Variants in PTPRM observed in about 807,000 individuals in gnomAD.
PTPRM encodes receptor-type tyrosine-protein phosphatase mu.
A neutral mutation model predicts 186.7 loss-of-function variants in PTPRM; 47 were observed. The ratio of observed to expected loss-of-function variants is 0.25; its 90% CI spans 0.20 to 0.32. PTPRM has a LOEUF of 0.32. Ranked by LOEUF, PTPRM falls within the 10% of genes least tolerant of loss-of-function variation. The pLI, the probability that PTPRM is intolerant of heterozygous loss-of-function variation, is 1.00. For missense variants in PTPRM, 1,494 were observed against 1,865.0 expected (o/e 0.80, Z 3.66); for synonymous variants, 668 against 674.9 (o/e 0.99, Z 0.16).
chr18:7,806,350 C>A (rs1056431090), intron 2 of PTPRM, among the ~76,000 whole-genome samples: 1 of 152,086 alleles, frequency 6.6e-6, no homozygotes, highest in Non-Finnish European at 1.5e-5. Context: ...ACAAATATTG[C>A]AAGCATATTA....
chr18:8,011,926 G>A (rs558307031), intron 7 of PTPRM, among the ~76,000 whole-genome samples: 39 of 152,166 alleles, frequency 2.6e-4, no homozygotes, highest in African/African-American at 4.6e-4. Context: ...CAAATTATAC[G>A]TATAGAAATA....
At chr18:8,124,763 G>A (rs554043835) in intron 13 of PTPRM, among the ~76,000 whole-genome samples, 17 of 152,224 alleles carry the variant, frequency 1.1e-4, no homozygotes, top group East Asian at 7.7e-4. Flanking sequence ...CCATTCAACC[G>A]TTGTGTTTAA....
chr18:7,776,496 GTTTTTC>G (rs1477924802), intron 2 of PTPRM, among the ~76,000 whole-genome samples: 1 of 147,244 alleles, frequency 6.8e-6, no homozygotes, highest in Non-Finnish European at 1.5e-5. Flanking sequence ...TGAAAATACA[GTTTTTC>G]TTTTTCTTTC....
chr18:8,154,484 C>G (rs552630469), intron 14 of PTPRM: 1 of 152,178 alleles, frequency 6.6e-6, no homozygotes, highest in South Asian at 2.1e-4. Flanking sequence ...AGAGGATGAG[C>G]CAGCCGCCAT....
At chr18:8,240,528 A>AGGAC (rs2147253878) in intron 14 of PTPRM, among the ~76,000 whole-genome samples, 1 of 120,132 alleles carries the variant, frequency 8.3e-6, no homozygotes, top group South Asian at 3.4e-4. Flanking sequence ...GAAGGAAGGA[A>AGGAC]GGAAGGAAGG....
intron 1 of PTPRM, among the ~76,000 whole-genome samples, chr18:7,670,222 C>T (rs2039189481): frequency 1.3e-5 from 2 of 151,976 alleles, no homozygotes; most frequent in African/African-American, 4.8e-5. Flanking sequence ...GCATTTTATG[C>T]TTACACCTCA....
rs1382598533 is a variant in PTPRM at position 8,149,677 on chromosome 18, T to A, written c.2300+5898T>A. Among the ~76,000 whole-genome samples the A allele has an allele frequency of 4.1e-5, 3 of 73,922 alleles. No individual in the cohort carries two copies. In the East Asian group the frequency reaches 4.1e-3, roughly 100 times the overall value. 48.5% of individuals were successfully genotyped at this position (73,922 alleles called of 152,430 possible). A position where few individuals can be genotyped will look rare whatever the true frequency, so the allele number is the denominator to read the frequency against. ...AGGTTAATATTGTTATATGTGAATT[T>A]GATCCTGTCATTATGATGATAGCTG... On this transcript the variant is annotated intron_variant, in intron 14 of 32. Transcript: ENST00000580170.
At chr18:8,054,161 G>A (rs1346834809) in intron 7 of PTPRM, among the ~76,000 whole-genome samples, 1 of 151,406 alleles carries the variant, frequency 6.6e-6, no homozygotes, top group East Asian at 1.9e-4. Context: ...AAACAGCTTA[G>A]ATTTATTTTT....
chr18:8,379,987 A>G (rs2095721949), intron 28 of PTPRM, among the ~76,000 whole-genome samples: 1 of 152,256 alleles, frequency 6.6e-6, no homozygotes, highest in Non-Finnish European at 1.5e-5. Flanking sequence ...TTTAAAAGTA[A>G]AGTTAAATTT....
At chr18:7,640,482 G>GT (rs1156748280) in intron 1 of PTPRM, among the ~76,000 whole-genome samples, 4 of 152,154 alleles carry the variant, frequency 2.6e-5, no homozygotes, top group Non-Finnish European at 5.9e-5. Context: ...GTTGAAACTA[G>GT]TTTAAGTAAA....
chr18:8,109,347 A>G (rs1210701375), intron 11 of PTPRM, among the ~76,000 whole-genome samples: 2 of 152,228 alleles, frequency 1.3e-5, no homozygotes, highest in Non-Finnish European at 2.9e-5. Context: ...TAAAGAGCAA[A>G]TAGATTTGAG....
At chr18:7,591,822 G>A (rs1212402221) in intron 1 of PTPRM, among the ~76,000 whole-genome samples, 1 of 152,200 alleles carries the variant, frequency 6.6e-6, no homozygotes, top group African/African-American at 2.4e-5. Flanking sequence ...AACCGTGATT[G>A]ACAGCTGCCT....
chr18:8,181,941 A>G (rs1490690191), intron 14 of PTPRM, among the ~76,000 whole-genome samples: 1 of 152,198 alleles, frequency 6.6e-6, no homozygotes, highest in Non-Finnish European at 1.5e-5. Context: ...CAATTTTAAG[A>G]TGAAGATGAG....
intron 14 of PTPRM, among the ~76,000 whole-genome samples, chr18:8,192,054 A>G (rs890010448): frequency 6.6e-6 from 1 of 151,768 alleles, no homozygotes; most frequent in African/African-American, 2.4e-5. Flanking sequence ...TGATATTATT[A>G]TTCTAAACTT....
intron 2 of PTPRM, among the ~76,000 whole-genome samples, chr18:7,833,857 G>GTT (rs1351845622): frequency 6.6e-6 from 1 of 152,134 alleles, no homozygotes; most frequent in Admixed American, 6.5e-5. Flanking sequence ...GTTCTAATAG[G>GTT]TTTTGGATAG....
intron 1 of PTPRM, among the ~76,000 whole-genome samples, chr18:7,677,387 A>G (rs2039369196): frequency 6.6e-6 from 1 of 152,228 alleles, no homozygotes. Flanking sequence ...CAACAGATAC[A>G]GCATAACTAT....
At chr18:8,364,457 G>C (rs1047374709) in intron 23 of PTPRM, among the ~76,000 whole-genome samples, 2 of 152,170 alleles carry the variant, frequency 1.3e-5, no homozygotes, top group African/African-American at 4.8e-5. Flanking sequence ...TGTGTTCTCA[G>C]GATATTTAAA....
intron 2 of PTPRM, among the ~76,000 whole-genome samples, chr18:7,807,066 G>A (rs1298979116): frequency 6.6e-6 from 1 of 152,104 alleles, no homozygotes. Flanking sequence ...TTTGGGCAGT[G>A]GTGCTCATCA....
At chr18:8,274,753 A>C (rs2094813787) in intron 19 of PTPRM, among the ~76,000 whole-genome samples, 1 of 152,224 alleles carries the variant, frequency 6.6e-6, no homozygotes, top group Non-Finnish European at 1.5e-5. Context: ...AGCAAAGTTC[A>C]AAACTTTGAG....
Sources: allele counts gnomAD v4.1 joint callset (sites outside exome capture counted in the v4.1 genomes callset), GRCh38; gene constraint gnomAD v4.1.1; transcripts MANE v1.5; gene names NCBI Gene and HGNC (gene_info 2026-07-23, HGNC 2026-07-21).